Variants in ITPR2 observed in about 807,000 individuals in gnomAD.
The protein encoded by ITPR2 is inositol 1,4,5-trisphosphate-gated calcium channel ITPR2.
A neutral mutation model predicts 317.1 loss-of-function variants in ITPR2; 207 were observed. The ratio of observed to expected loss-of-function variants is 0.65; its 90% CI spans 0.58 to 0.73. The LOEUF (loss-of-function observed/expected upper bound fraction) is 0.73, where lower values mean the gene tolerates loss of function less well. ITPR2 is among the 30% of genes least tolerant of loss of function. The pLI, the probability that ITPR2 is intolerant of heterozygous loss-of-function variation, is 0.00. For missense variants in ITPR2, 2,613 were observed against 3,284.0 expected, an observed-to-expected ratio of 0.80 and a Z score of 4.99; for synonymous variants, 1,156 against 1,149.1, an observed-to-expected ratio of 1.01 and a Z score of -0.12.
intron 45 of ITPR2, among the ~76,000 whole-genome samples, chr12:26,458,694 T>C (rs1291233987): frequency 6.6e-6 from 1 of 152,174 alleles, no homozygotes. Context: ...ATAAAAATTG[T>C]TTTCTGTTAA....
At chr12:26,451,365 TCACACACACACACACACACA>T (rs57642539) in intron 45 of ITPR2, among the ~76,000 whole-genome samples, 4 of 136,324 alleles carry the variant, frequency 2.9e-5, no homozygotes, top group African/African-American at 6.0e-5. Context: ...TTCTCTCATA[TCACACACACACACACACACA>T]CACACACACA....
chr12:26,557,582 T>A (rs1944698253), intron 35 of ITPR2, among the ~76,000 whole-genome samples: 1 of 152,202 alleles, frequency 6.6e-6, no homozygotes, highest in South Asian at 2.1e-4. Flanking sequence ...CGTGTGACCC[T>A]GGGAGACCAG....
intron 2 of ITPR2, among the ~76,000 whole-genome samples, chr12:26,729,759 G>A (rs1948996175): frequency 6.6e-6 from 1 of 151,986 alleles, no homozygotes; most frequent in Non-Finnish European, 1.5e-5. Context: ...TAAAAGATGA[G>A]AACACATGGA....
At chr12:26,438,077 A>G (rs530945876) in intron 47 of ITPR2, among the ~76,000 whole-genome samples, 1 of 152,212 alleles carries the variant, frequency 6.6e-6, no homozygotes, top group East Asian at 1.9e-4. Flanking sequence ...CAGGGATTAC[A>G]GGCATGAGCC....
chr12:26,711,132 C>T, intron 9 of ITPR2, 41 bp downstream of exon 9: 1 of 1,385,890 alleles, frequency 7.2e-7, no homozygotes, highest in Non-Finnish European at 1.0e-6. Context: ...TTCACTAATT[C>T]AGAGTCAGAA....
intron 55 of ITPR2, among the ~76,000 whole-genome samples, chr12:26,385,010 G>A (rs745930841): frequency 7.9e-5 from 12 of 152,130 alleles, no homozygotes. Context: ...ATCATTTACA[G>A]AGAGGATCTC....
chr12:26,676,091 G>T (rs1947901198), intron 13 of ITPR2, among the ~76,000 whole-genome samples: 1 of 152,178 alleles, frequency 6.6e-6, no homozygotes, highest in Non-Finnish European at 1.5e-5. Context: ...CCAGGAGGTG[G>T]AGATTGCAGT....
chr12:26,538,416 G>C (rs1944161254), intron 37 of ITPR2, among the ~76,000 whole-genome samples: 1 of 151,822 alleles, frequency 6.6e-6, no homozygotes, highest in Admixed American at 6.6e-5. Context: ...GAAAGAAGTG[G>C]CTTGAAAAAC....
intron 2 of ITPR2, among the ~76,000 whole-genome samples, chr12:26,775,595 C>G (rs1351615161): frequency 6.6e-6 from 1 of 152,132 alleles, no homozygotes. Context: ...AAGTATTGAT[C>G]TTGGGTGTAT....
Position 26,379,421 on chromosome 12 carries a change from T to A in ITPR2, c.7857+8013A>T, listed in dbSNP as rs10771280. 2.4e-4 allele frequency among the ~76,000 whole-genome samples: 37 copies of A among 152,140 alleles called. 1 individual carries two copies. The South Asian group carries it at 7.7e-3, about 32-fold the overall frequency. ...AGTCAATACTTATCCATGTCAGTTATGTTAGTTGTAGTGTTGTTAGTGGCA... is the reference window on the plus strand; with the variant it reads ...AGTCAATACTTATCCATGTCAGTTAAGTTAGTTGTAGTGTTGTTAGTGGCA... On this transcript the variant is annotated intron_variant, in intron 55 of 56. Transcript: ENST00000381340.
chr12:26,610,750 G>C (rs1421607859), intron 26 of ITPR2, among the ~76,000 whole-genome samples: 1 of 152,166 alleles, frequency 6.6e-6, no homozygotes, highest in Non-Finnish European at 1.5e-5. Flanking sequence ...TAATCATAGA[G>C]ATAGTGAGGA....
chr12:26,590,983 A>T (rs553462260), intron 32 of ITPR2, among the ~76,000 whole-genome samples: 1 of 151,042 alleles, frequency 6.6e-6, no homozygotes, highest in East Asian at 2.0e-4. Flanking sequence ...GGGAGGCTGA[A>T]GCAAGAGAAT....
Position 26,458,651 on chromosome 12 carries a change from G to A in ITPR2, c.6343-15001C>T, listed in dbSNP as rs78302199. 5.1e-4 allele frequency among the ~76,000 whole-genome samples: 78 copies of A among 152,334 alleles called. No homozygotes were observed. In the East Asian group the frequency reaches 0.015, roughly 29 times the overall value. On this transcript the variant is annotated intron_variant, in intron 45 of 56. Coordinates refer to ENST00000381340, the MANE Select transcript of ITPR2 (RefSeq NM_002223.4). ...TACAGTTAATAAAATGAGGGGTGAC[G>A]GAGGGGAACATTTTCAAGGAAAACT... is the stretch of plus-strand genomic sequence containing the variant.
intron 9 of ITPR2, among the ~76,000 whole-genome samples, chr12:26,710,784 G>A (rs1266671996): frequency 6.6e-6 from 1 of 152,172 alleles, no homozygotes; most frequent in African/African-American, 2.4e-5. Flanking sequence ...AGAGGCCACT[G>A]CAGATGAACC....
At chr12:26,719,521 A>T (rs901834553) in intron 5 of ITPR2, among the ~76,000 whole-genome samples, 2 of 152,220 alleles carry the variant, frequency 1.3e-5, no homozygotes, top group Non-Finnish European at 2.9e-5. Context: ...CCTTCTTTTG[A>T]AGTGGCACCT....
intron 37 of ITPR2, among the ~76,000 whole-genome samples, chr12:26,532,414 T>G (rs1943967422): frequency 6.6e-6 from 1 of 152,174 alleles, no homozygotes; most frequent in Admixed American, 6.5e-5. Context: ...AGGGTCTCAC[T>G]TTGTTGCACA....
chr12:26,339,584 T>C (rs1319550669), intron 56 of ITPR2, 101 bp from the exon 57 acceptor site: 3 of 785,674 alleles, frequency 3.8e-6, no homozygotes, highest in Non-Finnish European at 6.7e-6. Context: ...AACTACCTAC[T>C]GTCCAGCATC....
intron 3 of ITPR2, 119 bp downstream of exon 3, chr12:26,725,531 T>C (rs1018382721): frequency 4.2e-5 from 28 of 671,364 alleles, no homozygotes; most frequent in South Asian, 7.5e-5. Flanking sequence ...TGTGTTGCTA[T>C]ATGTATTCTA....
intron 36 of ITPR2, among the ~76,000 whole-genome samples, chr12:26,555,814 G>C (rs1040589718): frequency 6.6e-6 from 1 of 152,144 alleles, no homozygotes; most frequent in African/African-American, 2.4e-5. Flanking sequence ...ATGCAGATTA[G>C]ATAAAATAAT....
Sources: allele counts gnomAD v4.1 joint callset (sites outside exome capture counted in the v4.1 genomes callset), GRCh38; gene constraint gnomAD v4.1.1; transcripts MANE v1.5; gene names NCBI Gene and HGNC (gene_info 2026-07-23, HGNC 2026-07-21).